The following ABCA3 variants were observed in gnomAD, a reference collection of about 807,000 sequenced individuals.
ABCA3 encodes phospholipid-transporting ATPase ABCA3.
ABCA3 carries 88 observed loss-of-function variants against 172.8 expected under a neutral mutation model. The observed-to-expected ratio is 0.51, with a 90% CI of 0.43 to 0.61. ABCA3 has a LOEUF of 0.61. Among genes scored for constraint, ABCA3 ranks in the 20% least tolerant of loss-of-function variants. The probability of loss-of-function intolerance (pLI) is 0.00; values close to 1 mark genes in which losing one functional copy is unlikely to be tolerated. For missense variants in ABCA3, 2,164 were observed against 2,301.0 expected (o/e 0.94, Z 1.22); for synonymous variants, 1,066 against 983.8 (o/e 1.08, Z -1.56).
At position 2,278,796 on chromosome 16, in the gene ABCA3, C is replaced by G; in HGVS notation, c.4547+147G>C. The G allele has an allele frequency of 6.5e-6, 8 of 1,236,372 alleles. 1 individual carries two copies. The South Asian group carries it at 1.0e-4, about 16-fold the overall frequency. The allele number at this position is 1,236,372 out of a possible 1,614,324, so 76.6% of individuals were successfully genotyped here. A position where few individuals can be genotyped will look rare whatever the true frequency, so the allele number is the denominator to read the frequency against. ...CAGTCCCTTTCCTACGTGGAGCTAC[C>G]TGGGTCACACCACCACATCCCAGCT... On this transcript the variant is annotated intron_variant, in intron 29 of 32. Transcript: ENST00000301732. The surrounding 1 kb of genome is among the most constrained non-coding windows in gnomAD (Gnocchi z 4.4).
Position 2,284,869 on chromosome 16 carries a change from C to T in ABCA3, c.3613G>A (p.Gly1205Arg), listed in dbSNP as rs549977217. ...AGCCTCGTGTAGGCAGTGGCCGCCC[C>T]CAAGAAGAAGAAGTTCATCAGGTAC... ...LMYLMNFFFL[G>R]AATAYTRLTI... Residue 1205 changes from glycine (G) to arginine (R), a missense_variant, in exon 24 of 33, where the codon GGG (glycine) becomes AGG (arginine). Around this residue, in one of 3 missense-constraint regions of ABCA3, gnomAD observed 795 missense variants for 881.9 expected, o/e 0.90. Transcript: ENST00000301732. The surrounding 1 kb of genome is among the most constrained non-coding windows in gnomAD (Gnocchi z 5.9). The T allele has an allele frequency of 1.5e-4, 236 of 1,613,890 alleles. 2 individuals are homozygous for T. In the East Asian group the frequency reaches 4.9e-3, roughly 34 times the overall value.
intron 1 of ABCA3, among the ~76,000 whole-genome samples, chr16:2,340,261 G>A (rs2141756708): frequency 6.6e-6 from 1 of 152,164 alleles, no homozygotes; most frequent in East Asian, 1.9e-4. Flanking sequence ...AGTCTCCGCA[G>A]GGTCGAGCTT....
chr16:2,332,899 T>C (rs2093745783), intron 1 of ABCA3, among the ~76,000 whole-genome samples: 1 of 152,162 alleles, frequency 6.6e-6, no homozygotes, highest in Admixed American at 6.5e-5. Context: ...CTGGTGCTCC[T>C]GGGCTCAAGT....
At position 2,284,078 on chromosome 16, in the gene ABCA3, G is replaced by C. The variant is rs895730796; in HGVS notation, c.3862+201C>G. On this transcript the variant is annotated intron_variant, in intron 25 of 32. Coordinates refer to ENST00000301732, the MANE Select transcript of ABCA3 (RefSeq NM_001089.3). The surrounding 1 kb of genome is among the most constrained non-coding windows in gnomAD (Gnocchi z 5.9). ...TGCCCAGACACTGAGGCAGGTGGGA[G>C]AGTGGGAGCTCAGGTACAGGGCCTG... The C allele has an allele frequency of 2.4e-4, 142 of 591,892 alleles. No individual in the cohort carries two copies. Among genetic ancestry groups the C allele is most frequent in the Non-Finnish European group, 3.6e-4 (122 of 341,240 alleles). 36.7% of individuals were successfully genotyped at this position (591,892 alleles called of 1,614,324 possible). A position where few individuals can be genotyped will look rare whatever the true frequency, so the allele number is the denominator to read the frequency against.
At chr16:2,315,203 TAC>T (rs377647001) in intron 10 of ABCA3, among the ~76,000 whole-genome samples, 11,074 of 138,190 alleles carry the variant, frequency 0.08, 598 homozygotes, top group African/African-American at 0.15. Flanking sequence ...GTATGTATTT[TAC>T]ACACACACAC....
In ABCA3 at chr16:2,319,843, G is replaced by C; in HGVS notation, c.614-3C>G. 1 of 1,613,524 alleles carries C rather than the reference G, an allele frequency of 6.2e-7. No homozygotes were observed. The highest frequency in any genetic ancestry group is 8.5e-7 in the Non-Finnish European group (1 of 1,180,016). On this transcript the variant is annotated splice_region_variant and splice_polypyrimidine_tract_variant and intron_variant, in intron 7 of 32. Transcript: ENST00000301732. ...CAGGAAGCCTTCCCGGATGTACCCT[G>C]GGTGCGGGAGCAGAGGATGGCCCAG...
chr16:2,285,023 C>A lies in ABCA3; in HGVS notation c.3484-25G>T, dbSNP rs45527333. The stretch of plus-strand genomic sequence containing the variant: ...CCTGCGGCGGCACAGGGAGGCGCTG[C>A]TGTGCATGCCAAGCTGAGAGGAGCT... On this transcript the variant is annotated intron_variant, in intron 23 of 32. Coordinates refer to ENST00000301732, the MANE Select transcript of ABCA3 (RefSeq NM_001089.3). This position sits in a 1 kb window ranked among gnomAD's most constrained non-coding sequence, Gnocchi z 4.7. 257 of 1,607,026 alleles carry A rather than the reference C, an allele frequency of 1.6e-4. No homozygotes were observed. The highest frequency in any genetic ancestry group is 2.4e-4 in the Admixed American group (14 of 59,198).
At chr16:2,326,514 A>C (rs2093734693) in intron 3 of ABCA3, 22 bp from the exon 4 acceptor site, 5 of 1,585,498 alleles carry the variant, frequency 3.2e-6, no homozygotes, top group Non-Finnish European at 4.3e-6. Flanking sequence ...CCAAAGACAG[A>C]GAGTGTGGGT....
intron 8 of ABCA3, 43 bp downstream of exon 8, chr16:2,319,538 A>G (rs777838686): frequency 2.6e-6 from 4 of 1,528,794 alleles, no homozygotes; most frequent in Non-Finnish European, 3.6e-6. Context: ...TCCCCAGGAC[A>G]GCGCGGTTTC....
rs1049078674 is a variant in ABCA3 at position 2,340,728 on chromosome 16, T to C, written c.-694A>G. ...GGAGGGTGCGCCTGCAACCCGCTAC[T>C]GGCGGACGCAGCGGCCGCTCCGGCT... On this transcript the variant is annotated 5_prime_UTR_variant, in exon 1 of 33. Transcript: ENST00000301732. 6.6e-6 allele frequency: 1 copy of C among 150,572 alleles called. No homozygotes were observed. Among genetic ancestry groups the C allele is most frequent in the African/African-American group, 2.4e-5 (1 of 41,274 alleles). 9.3% of individuals were successfully genotyped at this position (150,572 alleles called of 1,614,324 possible). A position where few individuals can be genotyped will look rare whatever the true frequency, so the allele number is the denominator to read the frequency against.
At chr16:2,311,569 C>G (rs1276949101) in intron 10 of ABCA3, among the ~76,000 whole-genome samples, 1 of 152,104 alleles carries the variant, frequency 6.6e-6, no homozygotes, top group African/African-American at 2.4e-5. Flanking sequence ...GTCGCCCAGG[C>G]TGGAGTGCAG....
chr16:2,296,186 A>C (rs2093679500), intron 17 of ABCA3, among the ~76,000 whole-genome samples: 1 of 151,674 alleles, frequency 6.6e-6, no homozygotes, highest in Admixed American at 6.6e-5. Flanking sequence ...TCAGAGATGC[A>C]TCTCACCTCT....
chr16:2,300,685 C>A (rs906175450), intron 12 of ABCA3, among the ~76,000 whole-genome samples: 4 of 152,246 alleles, frequency 2.6e-5, no homozygotes, highest in African/African-American at 9.6e-5. Flanking sequence ...AGGCACACAC[C>A]TCACACAGTG....
At chr16:2,310,686 T>C (rs1489141921) in intron 10 of ABCA3, among the ~76,000 whole-genome samples, 2 of 151,228 alleles carry the variant, frequency 1.3e-5, no homozygotes, top group East Asian at 3.9e-4. Context: ...CAGGCTAATG[T>C]TTTTTTTATT....
At position 2,328,581 on chromosome 16, in the gene ABCA3, A is replaced by C; in HGVS notation, c.-155T>G. 1.9e-6 allele frequency: 1 copy of C among 515,256 alleles called. No homozygotes were observed. Among genetic ancestry groups the C allele is most frequent in the Non-Finnish European group, 3.9e-6 (1 of 258,404 alleles). 31.9% of individuals were successfully genotyped at this position (515,256 alleles called of 1,614,324 possible). A position where few individuals can be genotyped will look rare whatever the true frequency, so the allele number is the denominator to read the frequency against. On this transcript the variant is annotated 5_prime_UTR_variant, in exon 3 of 33. Coordinates refer to ENST00000301732, the MANE Select transcript of ABCA3 (RefSeq NM_001089.3). ...TGCAGACGTGGCTGCTCTGTCCTGG[A>C]GAGGCAGGGAAGGCGATGGAGGAGG... is the stretch of plus-strand genomic sequence containing the variant.
intron 1 of ABCA3, chr16:2,332,841 T>C (rs1483725989): frequency 1.7e-6 from 1 of 572,250 alleles, no homozygotes; most frequent in African/African-American, 1.9e-5. Flanking sequence ...CAGTCTTGCT[T>C]TGTCACCCAG....
In ABCA3 at chr16:2,283,090, G is replaced by T; in HGVS notation, c.4035+96C>A. The T allele has an allele frequency of 7.4e-7, 1 of 1,350,730 alleles. No homozygotes were observed. The highest frequency in any genetic ancestry group is 1.4e-5 in the African/African-American group (1 of 69,396). 83.7% of individuals were successfully genotyped at this position (1,350,730 alleles called of 1,614,324 possible). A position where few individuals can be genotyped will look rare whatever the true frequency, so the allele number is the denominator to read the frequency against. ...GACCATCTGGTGCAGGAGCTGCCTG[G>T]TGGAGAAGGAGGTGGAGCTGCCCCA... On this transcript the variant is annotated intron_variant, in intron 26 of 32. Transcript: ENST00000301732. This position sits in a 1 kb window ranked among gnomAD's most constrained non-coding sequence, Gnocchi z 5.4.
At position 2,308,578 on chromosome 16, in the gene ABCA3, T is replaced by C. The variant is rs1427650233; in HGVS notation, c.1157A>G (p.Tyr386Cys). The C allele has an allele frequency of 6.2e-7, 1 of 1,614,034 alleles. No homozygotes were observed. The highest frequency in any genetic ancestry group is 8.5e-7 in the Non-Finnish European group (1 of 1,180,018). The change falls in exon 11 of 33, where the codon TAC becomes TGC. Residue 386 changes from tyrosine to cysteine, a missense_variant. Physicochemically the swap from Tyr to Cys is radical, Grantham distance 194. Around this residue, in one of 3 missense-constraint regions of ABCA3, gnomAD observed 1,343 missense variants for 1,369.6 expected, o/e 0.98. Transcript: ENST00000301732. ...AFGGFLYFFT[Y>C]IPYFFVAPRY... ...AGGGGCCACGAAGAAGTAGGGGATG[T>C]AGGTGAAGAAGTAGAGGAAGCCTCC...
rs145044050 is a variant in ABCA3, at chr16:2,295,177, T to C, written c.2414+413A>G. On this transcript the variant is annotated intron_variant, in intron 18 of 32. Transcript: ENST00000301732. ...TTCTGCCGTGTGTGTGAGACAGTGA[T>C]GAGCAGGTGGTAACATCTCCAGCTC... Among the ~76,000 whole-genome samples the C allele has an allele frequency of 2.8e-4, 42 of 152,276 alleles. No homozygotes were observed. In the East Asian group the frequency reaches 7.7e-3, roughly 28 times the overall value.
Sources: allele counts gnomAD v4.1 joint callset (sites outside exome capture counted in the v4.1 genomes callset), GRCh38; gene constraint gnomAD v4.1.1; regional missense constraint gnomAD v4.1.1; non-coding constraint Gnocchi (gnomAD v3.1); transcripts MANE v1.5; gene names NCBI Gene and HGNC (gene_info 2026-07-23, HGNC 2026-07-21).